The following PVT1 variants were observed in gnomAD, a reference collection of about 807,000 sequenced individuals.
PVT1 encodes CXCR4/PVT1 fusion.
intron 3 of PVT1, among the ~76,000 whole-genome samples, chr8:127,899,519 A>G (rs1815732793): frequency 6.6e-6 from 1 of 151,874 alleles, no homozygotes; most frequent in South Asian, 2.1e-4. Flanking sequence ...TGTGCCCCTC[A>G]CGCGCTTGTT....
intron 4 of PVT1, among the ~76,000 whole-genome samples, chr8:128,014,085 A>T (rs1817344324): frequency 6.6e-6 from 1 of 152,152 alleles, no homozygotes; most frequent in African/African-American, 2.4e-5. Context: ...TGCAATAAAC[A>T]TGTATGGGCC....
chr8:127,928,053 T>C (rs974380616), intron 3 of PVT1, among the ~76,000 whole-genome samples: 3 of 152,206 alleles, frequency 2.0e-5, no homozygotes, highest in African/African-American at 7.2e-5. Context: ...TTGACCCAAT[T>C]ACCCAATTTA....
chr8:127,943,905 G>A (rs1816385346), intron 3 of PVT1, among the ~76,000 whole-genome samples: 1 of 152,160 alleles, frequency 6.6e-6, no homozygotes, highest in Non-Finnish European at 1.5e-5. Context: ...GTAGGATGTG[G>A]AGCATGTTAC....
At chr8:128,068,728 G>A (rs748518936) in intron 4 of PVT1, among the ~76,000 whole-genome samples, 2 of 152,134 alleles carry the variant, frequency 1.3e-5, no homozygotes, top group African/African-American at 2.4e-5. Flanking sequence ...TCCTGACCTC[G>A]TGATCCACCT....
At position 127,908,523 on chromosome 8, in the gene PVT1, G is replaced by A. The variant is rs1815851781; in HGVS notation, n.782+17525G>A. On this transcript the variant is annotated intron_variant and non_coding_transcript_variant, in intron 3 of 10. Transcript: ENST00000651587. Reference sequence around the variant, plus strand: ...CGCCCGGCTAATTTTTGTATTTTTAGTAAAGACGGGGTTTCACCATATTGA... The same window carrying A: ...CGCCCGGCTAATTTTTGTATTTTTAATAAAGACGGGGTTTCACCATATTGA... 2.6e-5 allele frequency among the ~76,000 whole-genome samples: 4 copies of A among 152,000 alleles called. No homozygotes were observed. The South Asian group carries it at 8.3e-4, about 32-fold the overall frequency.
In PVT1 at chr8:127,918,469, G is replaced by A. The variant is rs991565497; in HGVS notation, n.782+27471G>A. ...ATAATAGAATAACATTACTACCAAC[G>A]ACGATGGCTTTCACAACTGGAACCA... On this transcript the variant is annotated intron_variant and non_coding_transcript_variant, in intron 3 of 10. Coordinates refer to ENST00000651587, the Ensembl canonical transcript of PVT1. 5.3e-5 allele frequency among the ~76,000 whole-genome samples: 8 copies of A among 152,288 alleles called. No individual in the cohort carries two copies. The East Asian group carries it at 1.4e-3, about 26-fold the overall frequency.
At chr8:128,072,941 C>T (rs1814015406) in intron 5 of PVT1, among the ~76,000 whole-genome samples, 1 of 152,130 alleles carries the variant, frequency 6.6e-6, no homozygotes, top group Non-Finnish European at 1.5e-5. Context: ...TCCAGCAATT[C>T]TCCTGCCTCA....
At chr8:127,971,412 T>C (rs185023091) in intron 3 of PVT1, among the ~76,000 whole-genome samples, 104 of 152,234 alleles carry the variant, frequency 6.8e-4, no homozygotes, top group Non-Finnish European at 1.0e-3. Flanking sequence ...GTACATGATC[T>C]GTTAGGGATT....
chr8:127,995,194 C>T (rs1817090723), intron 4 of PVT1, among the ~76,000 whole-genome samples: 1 of 152,170 alleles, frequency 6.6e-6, no homozygotes, highest in Admixed American at 6.5e-5. Context: ...CTTCACAGCC[C>T]CATCATTAAA....
chr8:128,012,046 A>G (rs1285433223), intron 4 of PVT1, among the ~76,000 whole-genome samples: 1 of 152,154 alleles, frequency 6.6e-6, no homozygotes, highest in Non-Finnish European at 1.5e-5. Context: ...TACAAACAGA[A>G]ACGATTCCCT....
intron 4 of PVT1, among the ~76,000 whole-genome samples, chr8:128,056,814 A>G (rs925442963): frequency 6.6e-6 from 1 of 152,202 alleles, no homozygotes; most frequent in Non-Finnish European, 1.5e-5. Context: ...TAGAAACGTC[A>G]TAGGCGCTTC....
chr8:127,917,847 G>A (rs1184639757), intron 3 of PVT1, among the ~76,000 whole-genome samples: 1 of 152,380 alleles, frequency 6.6e-6, no homozygotes, highest in East Asian at 1.9e-4. Flanking sequence ...GCAGAGTGGA[G>A]CCTGTGTTTC....
chr8:128,051,965 T>G (rs1813703825), intron 4 of PVT1, among the ~76,000 whole-genome samples: 1 of 152,248 alleles, frequency 6.6e-6, no homozygotes, highest in Non-Finnish European at 1.5e-5. Context: ...CTTTAGTTTG[T>G]TTTTTAGTCA....
At chr8:127,885,875 A>T (rs558533796) in intron 2 of PVT1, among the ~76,000 whole-genome samples, 2 of 152,308 alleles carry the variant, frequency 1.3e-5, no homozygotes, top group South Asian at 4.1e-4. Flanking sequence ...GGCTGTTTAG[A>T]TACTTGAGCT....
chr8:128,079,967 G>A (rs575860687), intron 5 of PVT1, among the ~76,000 whole-genome samples: 6 of 152,024 alleles, frequency 3.9e-5, no homozygotes, highest in South Asian at 2.1e-4. Context: ...CTCGTAATCC[G>A]CCCGCCTCGG....
At chr8:127,881,330 G>A (rs995848554) in intron 2 of PVT1, among the ~76,000 whole-genome samples, 2 of 151,448 alleles carry the variant, frequency 1.3e-5, no homozygotes, top group African/African-American at 2.4e-5. Context: ...AGTCTTGTCC[G>A]CAGATGAACT....
At chr8:127,813,762 C>A (rs1357369215) in intron 2 of PVT1, among the ~76,000 whole-genome samples, 1 of 152,180 alleles carries the variant, frequency 6.6e-6, no homozygotes, top group Non-Finnish European at 1.5e-5. Flanking sequence ...AACATGGTCA[C>A]CCTCAAACCA....
chr8:127,920,227 C>A (rs1331664289), intron 3 of PVT1, among the ~76,000 whole-genome samples: 1 of 152,230 alleles, frequency 6.6e-6, no homozygotes, highest in East Asian at 1.9e-4. Context: ...TTGTAAACAT[C>A]TGTCAGTCCA....
chr8:128,005,066 G>T (rs2130024872), intron 4 of PVT1, among the ~76,000 whole-genome samples: 1 of 152,174 alleles, frequency 6.6e-6, no homozygotes. Context: ...CTTGAACCTG[G>T]GAGGTGGAGG....
Sources: allele counts gnomAD v4.1 joint callset (sites outside exome capture counted in the v4.1 genomes callset), GRCh38; gene constraint gnomAD v4.1.1; transcripts MANE v1.5; gene names NCBI Gene and HGNC (gene_info 2026-07-23, HGNC 2026-07-21).